Variants in AGBL1 observed in about 807,000 individuals in gnomAD.
AGBL1 encodes cytosolic carboxypeptidase 4.
Under a neutral mutation model 118.9 loss-of-function variants are expected in AGBL1, and 130 were observed. The observed-to-expected ratio is 1.09, with a 90% CI of 0.95 to 1.26. The LOEUF is 1.26. Ranked by LOEUF, AGBL1 falls within the 50% of genes most tolerant of loss-of-function variation. The pLI is 0.00. For synonymous variants in AGBL1, 555 were observed against 478.9 expected, an observed-to-expected ratio of 1.16 and a Z score of -2.08; for missense variants, 1,584 against 1,298.1, an observed-to-expected ratio of 1.22 and a Z score of -3.38.
At chr15:86,735,615 T>A (rs999439487) in intron 22 of AGBL1, among the ~76,000 whole-genome samples, 19 of 149,700 alleles carry the variant, frequency 1.3e-4, no homozygotes, top group African/African-American at 4.7e-4. Flanking sequence ...TGTGTGTGTG[T>A]GTGTGTGTGT....
chr15:87,010,569 A>G (rs2081548600), intron 24 of AGBL1, among the ~76,000 whole-genome samples: 1 of 152,182 alleles, frequency 6.6e-6, no homozygotes, highest in Admixed American at 6.5e-5. Flanking sequence ...CCCTTGGACC[A>G]CACAACTACA....
In AGBL1 at chr15:86,585,449, A is replaced by G. The variant is rs1284796062; in HGVS notation, c.2994+30912A>G. ...ACTGTCTCTGCCCAGGCTGGAGTGC[A>G]GTGGTGTGATAATAGCTTATTATAA... On this transcript the variant is annotated intron_variant, in intron 21 of 22. Transcript: ENST00000614907. Among the ~76,000 whole-genome samples, 5 of 152,146 alleles carry G rather than the reference A, an allele frequency of 3.3e-5. No individual in the cohort carries two copies. In the East Asian group the frequency reaches 7.7e-4, roughly 23 times the overall value.
At chr15:86,096,044 T>C (rs1896358979) in intron 1 of AGBL1, among the ~76,000 whole-genome samples, 1 of 152,296 alleles carries the variant, frequency 6.6e-6, no homozygotes, top group East Asian at 1.9e-4. Context: ...ATTATTCCCG[T>C]AAATTTATAC....
chr15:86,854,149 C>T (rs546583386), intron 22 of AGBL1, among the ~76,000 whole-genome samples: 23 of 152,300 alleles, frequency 1.5e-4, no homozygotes, highest in Non-Finnish European at 2.5e-4. Flanking sequence ...ATCCCATTCA[C>T]GGTGTCTCAC....
chr15:86,229,165 A>C (rs2078415635), intron 6 of AGBL1, among the ~76,000 whole-genome samples: 1 of 152,228 alleles, frequency 6.6e-6, no homozygotes, highest in African/African-American at 2.4e-5. Flanking sequence ...ATAATAAATC[A>C]AAACAACATG....
chr15:86,740,261 C>G (rs2077658506), intron 22 of AGBL1, among the ~76,000 whole-genome samples: 2 of 152,198 alleles, frequency 1.3e-5, no homozygotes, highest in South Asian at 4.1e-4. Flanking sequence ...TGCCCCAGAC[C>G]TTTCAGACAT....
At position 86,709,414 on chromosome 15, in the gene AGBL1, A is replaced by G. The variant is rs550362940; in HGVS notation, c.3158+34978A>G. 2.0e-4 allele frequency among the ~76,000 whole-genome samples: 30 copies of G among 152,242 alleles called. No individual in the cohort carries two copies. In the Middle Eastern group the frequency reaches 0.014, roughly 69 times the overall value. ...TGCATGCTCAAGTATCTAGCCAACA[A>G]ATCAAGCAGCCAAGAGATCTACTAA... On this transcript the variant is annotated intron_variant, in intron 22 of 22. Transcript: ENST00000614907.
chr15:86,852,788 C>G (rs1220777179), intron 22 of AGBL1, among the ~76,000 whole-genome samples: 3 of 152,158 alleles, frequency 2.0e-5, no homozygotes, highest in Non-Finnish European at 1.5e-5. Context: ...GATCCCTTAT[C>G]TCCTACCTAG....
chr15:86,705,739 C>T (rs977837865), intron 22 of AGBL1, among the ~76,000 whole-genome samples: 1 of 152,152 alleles, frequency 6.6e-6, no homozygotes, highest in Non-Finnish European at 1.5e-5. Flanking sequence ...CATGCATTTT[C>T]ACTGGATCTT....
chr15:86,373,901 T>C (rs962356490), intron 17 of AGBL1, among the ~76,000 whole-genome samples: 2 of 152,204 alleles, frequency 1.3e-5, no homozygotes, highest in African/African-American at 2.4e-5. Context: ...ATTATGTGTG[T>C]AAAATGCTAA....
chr15:86,703,427 C>A (rs879752653), intron 22 of AGBL1, among the ~76,000 whole-genome samples: 1 of 152,018 alleles, frequency 6.6e-6, no homozygotes. Flanking sequence ...TTTCCATTTC[C>A]GAGTCCATCA....
At chr15:86,385,095 T>G (rs2141967975) in intron 17 of AGBL1, among the ~76,000 whole-genome samples, 1 of 152,210 alleles carries the variant, frequency 6.6e-6, no homozygotes, top group East Asian at 1.9e-4. Flanking sequence ...TAGTCCAAAT[T>G]GCTCTGTGCT....
chr15:86,948,026 A>T (rs1269696110), intron 23 of AGBL1, among the ~76,000 whole-genome samples: 1 of 152,194 alleles, frequency 6.6e-6, no homozygotes, highest in Admixed American at 6.5e-5. Flanking sequence ...ACCTCAAAAG[A>T]TGAAAGAGAG....
intron 5 of AGBL1, among the ~76,000 whole-genome samples, chr15:86,221,724 A>C (rs2078283440): frequency 6.6e-6 from 1 of 151,886 alleles, no homozygotes; most frequent in South Asian, 2.1e-4. Flanking sequence ...TTATGTGGAC[A>C]CTACATCCAA....
intron 23 of AGBL1, among the ~76,000 whole-genome samples, chr15:86,940,689 GA>G (rs2141653330): frequency 6.6e-6 from 1 of 152,318 alleles, no homozygotes; most frequent in East Asian, 1.9e-4. Flanking sequence ...GAGAAATCTG[GA>G]GGGAGAGATA....
chr15:86,980,726 T>G (rs1278058938), intron 23 of AGBL1, among the ~76,000 whole-genome samples: 2 of 152,160 alleles, frequency 1.3e-5, no homozygotes, highest in Non-Finnish European at 2.9e-5. Context: ...GTTTTTTCAT[T>G]AAATATTGAG....
At chr15:86,122,842 C>G (rs1454613363) in intron 1 of AGBL1, among the ~76,000 whole-genome samples, 1 of 152,164 alleles carries the variant, frequency 6.6e-6, no homozygotes, top group Non-Finnish European at 1.5e-5. Context: ...ATACCCTCCT[C>G]CCTTTGGAAT....
intron 22 of AGBL1, among the ~76,000 whole-genome samples, chr15:86,780,420 T>C (rs1407838278): frequency 1.3e-5 from 2 of 152,224 alleles, no homozygotes; most frequent in African/African-American, 4.8e-5. Context: ...TTCATGTTTA[T>C]TGTTCTTTGA....
At chr15:86,308,398 G>T (rs900939936) in intron 17 of AGBL1, among the ~76,000 whole-genome samples, 4 of 152,194 alleles carry the variant, frequency 2.6e-5, no homozygotes, top group African/African-American at 4.8e-5. Flanking sequence ...ACTGAGAGAA[G>T]ATGTGGCCAT....
Sources: gnomAD v4.1 joint callset for allele counts (sites outside exome capture counted in the v4.1 genomes callset) on GRCh38, gnomAD v4.1.1 for gene constraint, MANE v1.5 for transcripts, NCBI Gene and HGNC (gene_info 2026-07-23, HGNC 2026-07-21) for gene names.